The following PXDNL variants were observed in gnomAD, a reference collection of about 807,000 sequenced individuals.
PXDNL encodes the protein peroxidasin like.
Under a neutral mutation model 150.8 loss-of-function variants are expected in PXDNL, and 145 were observed. The observed-to-expected ratio is 0.96, with a 90% CI of 0.84 to 1.10. The LOEUF is 1.10. Ranked by LOEUF, PXDNL falls within the 50% of genes least tolerant of loss-of-function variation. The pLI is 0.00. For synonymous variants in PXDNL, 757 were observed against 725.7 expected, an observed-to-expected ratio of 1.04 and a Z score of -0.69; for missense variants, 2,087 against 1,873.9, an observed-to-expected ratio of 1.11 and a Z score of -2.10.
intron 1 of PXDNL, among the ~76,000 whole-genome samples, chr8:51,655,952 C>T (rs1184354048): frequency 6.6e-6 from 1 of 152,132 alleles, no homozygotes; most frequent in Non-Finnish European, 1.5e-5. Flanking sequence ...TTTCCAGATC[C>T]CTGACACCAG....
chr8:51,775,110 T>C (rs2037338558), intron 1 of PXDNL, among the ~76,000 whole-genome samples: 1 of 152,172 alleles, frequency 6.6e-6, no homozygotes, highest in African/African-American at 2.4e-5. Context: ...CATATATTTA[T>C]ACAATTGTTA....
chr8:51,637,959 G>A (rs556979349), intron 2 of PXDNL, among the ~76,000 whole-genome samples: 40 of 152,224 alleles, frequency 2.6e-4, no homozygotes, highest in Middle Eastern at 3.4e-3. Flanking sequence ...GAGAAAGGTC[G>A]GGTTACCCAC....
chr8:51,332,922 T>C (rs1805731276), intron 21 of PXDNL, among the ~76,000 whole-genome samples: 1 of 152,170 alleles, frequency 6.6e-6, no homozygotes. Flanking sequence ...TTTGGGGGAA[T>C]AATCGAGGAA....
chr8:51,480,665 G>T (rs1228516418), intron 6 of PXDNL, among the ~76,000 whole-genome samples: 2 of 152,194 alleles, frequency 1.3e-5, no homozygotes, highest in Non-Finnish European at 2.9e-5. Context: ...TACATGTCAA[G>T]GGTGGGGCCA....
intron 3 of PXDNL, among the ~76,000 whole-genome samples, chr8:51,583,885 C>G (rs1813264908): frequency 6.6e-6 from 1 of 152,110 alleles, no homozygotes; most frequent in Admixed American, 6.6e-5. Context: ...ACCTAATTTT[C>G]ACGAAGAGAA....
intron 14 of PXDNL, among the ~76,000 whole-genome samples, chr8:51,422,061 T>C (rs1448936256): frequency 2.0e-5 from 3 of 151,972 alleles, no homozygotes; most frequent in African/African-American, 7.3e-5. Flanking sequence ...GCACAAACCC[T>C]ATTGTGAACT....
chr8:51,684,694 A>G (rs1815834953), intron 1 of PXDNL, among the ~76,000 whole-genome samples: 1 of 152,234 alleles, frequency 6.6e-6, no homozygotes, highest in Admixed American at 6.5e-5. Flanking sequence ...TCCAGAGGTC[A>G]GAGGAAAAGT....
chr8:51,598,458 C>A (rs193063195), intron 2 of PXDNL, among the ~76,000 whole-genome samples: 1 of 152,286 alleles, frequency 6.6e-6, no homozygotes, highest in African/African-American at 2.4e-5. Flanking sequence ...TGAATTTCAT[C>A]AAAAGCTCTT....
chr8:51,368,132 T>TCAAAA (rs201867647), intron 19 of PXDNL, among the ~76,000 whole-genome samples: 1,805 of 152,078 alleles, frequency 0.012, 29 homozygotes, highest in African/African-American at 0.04. Flanking sequence ...AAACTCCATC[T>TCAAAA]CAAAACAAAA....
rs568951548 is a variant in PXDNL at position 51,343,127 on chromosome 8, A to G, written c.4016+2706T>C. Among the ~76,000 whole-genome samples the G allele has an allele frequency of 1.2e-4, 19 of 152,318 alleles. No individual in the cohort carries two copies. In the South Asian group the frequency reaches 3.9e-3, roughly 32 times the overall value. ...AAACATAAAACTCAACATATTGCTT[A>G]TAAAAAAAGACTCTTGGATACTGTA... On this transcript the variant is annotated intron_variant, in intron 20 of 22. Transcript: ENST00000356297.
At chr8:51,646,787 A>C (rs1814928978) in intron 2 of PXDNL, among the ~76,000 whole-genome samples, 2 of 152,338 alleles carry the variant, frequency 1.3e-5, no homozygotes, top group Admixed American at 1.3e-4. Context: ...TTGTGTGAAA[A>C]GTACAAAAGA....
At chr8:51,602,507 C>T (rs915247719) in intron 2 of PXDNL, among the ~76,000 whole-genome samples, 3 of 151,826 alleles carry the variant, frequency 2.0e-5, no homozygotes, top group Admixed American at 2.0e-4. Context: ...TTTCTTCATG[C>T]ATATTTCTCA....
chr8:51,459,768 T>C (rs1189491486), intron 8 of PXDNL, among the ~76,000 whole-genome samples: 1 of 152,204 alleles, frequency 6.6e-6, no homozygotes, highest in Non-Finnish European at 1.5e-5. Context: ...GTAGAATATA[T>C]CTGAATATAT....
intron 19 of PXDNL, among the ~76,000 whole-genome samples, chr8:51,371,558 T>C (rs1169519038): frequency 2.6e-5 from 4 of 152,190 alleles, no homozygotes; most frequent in Admixed American, 1.3e-4. Context: ...GAAGTAGATA[T>C]AGTCAGTACC....
intron 1 of PXDNL, among the ~76,000 whole-genome samples, chr8:51,664,050 CAA>C (rs59020717): frequency 8.2e-4 from 65 of 79,028 alleles, no homozygotes; most frequent in East Asian, 3.2e-3. Flanking sequence ...GACTCTGTCT[CAA>C]AAAAAAAAAA....
intron 1 of PXDNL, among the ~76,000 whole-genome samples, chr8:51,664,507 G>T (rs1057427661): frequency 3.9e-5 from 6 of 152,128 alleles, no homozygotes; most frequent in African/African-American, 1.4e-4. Flanking sequence ...GGCATTACTG[G>T]ATCTCACTAG....
At chr8:51,697,911 G>T (rs13438869) in intron 1 of PXDNL, among the ~76,000 whole-genome samples, 1,597 of 152,248 alleles carry the variant, frequency 0.01, 24 homozygotes, top group African/African-American at 0.032. Context: ...TGAATTTTTT[G>T]GTTTTCCTGT....
chr8:51,369,120 CAA>C (rs1251858089), intron 19 of PXDNL, among the ~76,000 whole-genome samples: 1 of 152,148 alleles, frequency 6.6e-6, no homozygotes, highest in Non-Finnish European at 1.5e-5. Context: ...GAACACACAA[CAA>C]AGACAAGTGT....
intron 1 of PXDNL, among the ~76,000 whole-genome samples, chr8:51,712,276 C>T (rs1816518467): frequency 6.6e-6 from 1 of 151,872 alleles, no homozygotes; most frequent in Admixed American, 6.6e-5. Flanking sequence ...CCAAAAGGGT[C>T]CATTTCTGTG....
Sources: allele counts gnomAD v4.1 joint callset (sites outside exome capture counted in the v4.1 genomes callset), GRCh38; gene constraint gnomAD v4.1.1; transcripts MANE v1.5; gene names NCBI Gene and HGNC (gene_info 2026-07-23, HGNC 2026-07-21).